The following ATP10A variants were observed in gnomAD, a reference collection of about 807,000 sequenced individuals.
ATP10A encodes phospholipid-transporting ATPase VA.
A neutral mutation model predicts 147.8 loss-of-function variants in ATP10A; 111 were observed. The ratio of observed to expected loss-of-function variants is 0.75; its 90% CI spans 0.64 to 0.88. ATP10A has a LOEUF of 0.88. ATP10A is among the 40% of genes least tolerant of loss of function. The pLI, the probability that ATP10A is intolerant of heterozygous loss-of-function variation, is 0.00. For synonymous variants in ATP10A, 875 were observed against 841.6 expected (o/e 1.04, Z -0.69); for missense variants, 1,927 against 1,959.0 (o/e 0.98, Z 0.31).
chr15:25,741,144 G>A (rs777647447), intron 2 of ATP10A, among the ~76,000 whole-genome samples: 1 of 152,232 alleles, frequency 6.6e-6, no homozygotes, highest in Non-Finnish European at 1.5e-5. Flanking sequence ...TGTGGCTGGA[G>A]CTGGCTCCCA....
At chr15:25,745,830 A>G (rs1887819138) in intron 2 of ATP10A, among the ~76,000 whole-genome samples, 1 of 152,190 alleles carries the variant, frequency 6.6e-6, no homozygotes. Context: ...TTTAATACTG[A>G]TAGTCAAAGA....
At chr15:25,795,017 AG>A (rs1360587848) in intron 1 of ATP10A, among the ~76,000 whole-genome samples, 2 of 152,154 alleles carry the variant, frequency 1.3e-5, no homozygotes, top group Non-Finnish European at 2.9e-5. Context: ...CCAATTTTAG[AG>A]TATTTGGGAG....
chr15:25,784,904 G>A (rs1363710140), intron 1 of ATP10A, among the ~76,000 whole-genome samples: 3 of 151,248 alleles, frequency 2.0e-5, no homozygotes, highest in Admixed American at 6.6e-5. Context: ...CCTGGGTGAC[G>A]GAGCGAGACC....
chr15:25,740,612 A>G (rs949418383), intron 2 of ATP10A, among the ~76,000 whole-genome samples: 1 of 152,232 alleles, frequency 6.6e-6, no homozygotes, highest in Non-Finnish European at 1.5e-5. Flanking sequence ...CCAGGTCACA[A>G]GGAGGGTGAG....
At chr15:25,691,679 CAATTG>C (rs1333907634) in intron 15 of ATP10A, 31 bp downstream of exon 15, 1 of 1,609,398 alleles carries the variant, frequency 6.2e-7, no homozygotes, top group South Asian at 1.1e-5. Context: ...TCAGTAGGGC[CAATTG>C]GTCACACAGA....
intron 1 of ATP10A, among the ~76,000 whole-genome samples, chr15:25,794,367 C>CAA (rs35644910): frequency 1.3e-5 from 2 of 148,896 alleles, no homozygotes; most frequent in African/African-American, 4.9e-5. Flanking sequence ...ATATAAGAAG[C>CAA]AAAAAAAAAA....
At chr15:25,681,979 G>A (rs1164908209) in intron 17 of ATP10A, among the ~76,000 whole-genome samples, 4 of 149,604 alleles carry the variant, frequency 2.7e-5, no homozygotes, top group Admixed American at 1.3e-4. Flanking sequence ...GCGTGAACCC[G>A]GGAGGCGGAG....
At chr15:25,825,668 T>C (rs1892083046) in intron 1 of ATP10A, among the ~76,000 whole-genome samples, 3 of 152,186 alleles carry the variant, frequency 2.0e-5, no homozygotes, top group Admixed American at 2.0e-4. Flanking sequence ...CAGAGCTGGT[T>C]CATAAAAGTC....
At chr15:25,786,108 C>T (rs1890145602) in intron 1 of ATP10A, among the ~76,000 whole-genome samples, 1 of 152,212 alleles carries the variant, frequency 6.6e-6, no homozygotes, top group Non-Finnish European at 1.5e-5. Context: ...TGAGCACAGG[C>T]CATGCAGGCA....
At chr15:25,718,789 G>A (rs979522181) in intron 7 of ATP10A, among the ~76,000 whole-genome samples, 1 of 152,152 alleles carries the variant, frequency 6.6e-6, no homozygotes, top group South Asian at 2.1e-4. Flanking sequence ...AGTCATGCTG[G>A]GATGACGGTG....
intron 2 of ATP10A, among the ~76,000 whole-genome samples, chr15:25,756,460 G>A (rs952832988): frequency 6.6e-6 from 1 of 152,130 alleles, no homozygotes; most frequent in South Asian, 2.1e-4. Flanking sequence ...CGGCTAACAC[G>A]GTGAAACCCC....
chr15:25,709,063 G>A (rs183012280), intron 10 of ATP10A: 1 of 152,210 alleles, frequency 6.6e-6, no homozygotes, highest in South Asian at 2.1e-4. Context: ...CTCCACAGGG[G>A]TGACAGAGCC....
rs2066706 is a variant in ATP10A, at chr15:25,687,843, G to T, written c.3166-15C>A. ...GCCATCACTGCCTTCAAAGGGAGAG[G>T]GATTCCTGTTACTGGTGATGCCGAC... is the stretch of plus-strand genomic sequence containing the variant. On this transcript the variant is annotated splice_polypyrimidine_tract_variant and intron_variant, in intron 15 of 20. Coordinates refer to ENST00000555815, the MANE Select transcript of ATP10A (RefSeq NM_024490.4). 0.039 allele frequency: 62,395 copies of T among 1,613,642 alleles called. 1,553 individuals are homozygous for T. Among genetic ancestry groups the T allele is most frequent in the African/African-American group, 0.089 (6,697 of 74,956 alleles).
At chr15:25,723,660 C>T (rs1902380724) in intron 6 of ATP10A, among the ~76,000 whole-genome samples, 1 of 151,796 alleles carries the variant, frequency 6.6e-6, no homozygotes, top group South Asian at 2.1e-4. Context: ...AAACCAAACC[C>T]TCAAAGCACA....
intron 1 of ATP10A, among the ~76,000 whole-genome samples, chr15:25,783,714 G>A (rs1347413742): frequency 6.6e-6 from 1 of 152,254 alleles, no homozygotes; most frequent in Non-Finnish European, 1.5e-5. Flanking sequence ...ATCACCGCTA[G>A]AGAGCGCCCT....
At position 25,772,360 on chromosome 15, in the gene ATP10A, C is replaced by T. The variant is rs139014784; in HGVS notation, c.654+8659G>A. Among the ~76,000 whole-genome samples, 146 of 152,286 alleles carry T rather than the reference C, an allele frequency of 9.6e-4. 1 individual carries two copies. The East Asian group carries it at 0.026, about 27-fold the overall frequency. On this transcript the variant is annotated intron_variant, in intron 2 of 20. Coordinates refer to ENST00000555815, the MANE Select transcript of ATP10A (RefSeq NM_024490.4). The stretch of plus-strand genomic sequence containing the variant: ...GTCTGATCTCAGCTTCAGAACCCGA[C>T]TTTGCACCCAAAACCTTTCCCTGCC...
At chr15:25,691,890 TC>T (rs1900057549) in intron 14 of ATP10A, 99 bp from the exon 15 acceptor site, 1 of 1,415,660 alleles carries the variant, frequency 7.1e-7, no homozygotes, top group African/African-American at 1.4e-5. Flanking sequence ...CTGAACTCAG[TC>T]CTGTGAAAGC....
intron 9 of ATP10A, 62 bp from the exon 10 acceptor site, chr15:25,714,303 C>A: frequency 6.6e-7 from 1 of 1,509,194 alleles, no homozygotes; most frequent in South Asian, 1.2e-5. Flanking sequence ...AGGCCCCACC[C>A]TGGTTCCCAC....
intron 3 of ATP10A, among the ~76,000 whole-genome samples, chr15:25,729,698 G>A (rs1382343553): frequency 6.6e-6 from 1 of 152,150 alleles, no homozygotes; most frequent in Admixed American, 6.5e-5. Context: ...TGTCCACTCT[G>A]TGCTAGCCTC....
Sources: allele counts gnomAD v4.1 joint callset (sites outside exome capture counted in the v4.1 genomes callset), GRCh38; gene constraint gnomAD v4.1.1; transcripts MANE v1.5; gene names NCBI Gene and HGNC (gene_info 2026-07-23, HGNC 2026-07-21).